The following ZNF512B variants were observed in gnomAD, a reference collection of about 807,000 sequenced individuals.
ZNF512B encodes the protein zinc finger protein 512B.
A neutral mutation model predicts 87.8 loss-of-function variants in ZNF512B; 22 were observed. The observed-to-expected ratio is 0.25, with a 90% CI of 0.18 to 0.36. The LOEUF is 0.36. ZNF512B is among the 10% of genes least tolerant of loss of function. The probability of loss-of-function intolerance (pLI) is 1.00; values close to 1 mark genes in which losing one functional copy is unlikely to be tolerated. For missense variants in ZNF512B, 1,060 were observed against 1,231.6 expected, an observed-to-expected ratio of 0.86 and a Z score of 2.09; for synonymous variants, 524 against 490.9, an observed-to-expected ratio of 1.07 and a Z score of -0.89.
rs2058847345 is a variant in ZNF512B at position 63,961,250 on chromosome 20, C to A, written c.2427+59G>T. Reference sequence around the variant, plus strand: ...TCTACCCCCAAGGGGTGCCCAACCCCAGCCCTGTCCCCTCCTGGGCTAGCC... The same window carrying A: ...TCTACCCCCAAGGGGTGCCCAACCCAAGCCCTGTCCCCTCCTGGGCTAGCC... On this transcript the variant is annotated intron_variant, in intron 16 of 16. Coordinates refer to ENST00000369888, the MANE Select transcript of ZNF512B (RefSeq NM_020713.3). This position sits in a 1 kb window ranked among gnomAD's most constrained non-coding sequence, Gnocchi z 6.4. 1 of 1,563,886 alleles carries A rather than the reference C, an allele frequency of 6.4e-7. No homozygotes were observed. Among genetic ancestry groups the A allele is most frequent in the Non-Finnish European group, 8.7e-7 (1 of 1,142,892 alleles).
rs1453722044 is a variant in ZNF512B, at chr20:63,957,109, C to T, written c.*2779G>A. 6.6e-6 allele frequency: 1 copy of T among 152,494 alleles called. No individual in the cohort carries two copies. The highest frequency in any genetic ancestry group is 1.5e-5 in the Non-Finnish European group (1 of 68,044). The allele number at this position is 152,494 out of a possible 1,614,324, so 9.4% of individuals were successfully genotyped here. ...ACACGGGGACGGCCCCTCCCGGGGT[C>T]AGGCTCACTGGCTCCTTCCCTTCAG... is the stretch of plus-strand genomic sequence containing the variant. On this transcript the variant is annotated 3_prime_UTR_variant, in exon 17 of 17. Coordinates refer to ENST00000369888, the MANE Select transcript of ZNF512B (RefSeq NM_020713.3).
chr20:63,967,523 C>A lies in ZNF512B; in HGVS notation c.122G>T (p.Gly41Val). Residue 41 changes from glycine (G) to valine (V), a missense_variant and splice_region_variant, in exon 3 of 17, where the codon GGG becomes GTG. By Grantham distance (109) the Gly-to-Val change is moderately radical (BLOSUM62 -3). Coordinates refer to ENST00000369888, the MANE Select transcript of ZNF512B (RefSeq NM_020713.3). Reference protein sequence around the residue: ...LPMLHDPPKMGMPVVRGGQTV... With the variant: ...LPMLHDPPKMVMPVVRGGQTV... Reference sequence around the variant, plus strand: ...CTGTCCACCACGGACCACCGGCATCCCTGCAGCACACAACACAGCAAGGCT... The same window carrying A: ...CTGTCCACCACGGACCACCGGCATCACTGCAGCACACAACACAGCAAGGCT... 1 of 1,598,100 alleles carries A rather than the reference C, an allele frequency of 6.3e-7. No homozygotes were observed. Among genetic ancestry groups the A allele is most frequent in the Non-Finnish European group, 8.5e-7 (1 of 1,171,182 alleles).
Position 63,962,023 on chromosome 20 carries a change from T to C in ZNF512B, c.2266-19A>G, listed in dbSNP as rs1321917021. On this transcript the variant is annotated intron_variant, in intron 14 of 16. Coordinates refer to ENST00000369888, the MANE Select transcript of ZNF512B (RefSeq NM_020713.3). ...CACAGCACTGCAGGGAAGGGAGCCG[T>C]GGGCGAAGGCCTCTGGTGGGCACCC... 1.3e-6 allele frequency: 2 copies of C among 1,550,668 alleles called. No individual in the cohort carries two copies.
At chr20:63,960,251 C>G in intron 16 of ZNF512B, 112 bp from the exon 17 acceptor site, 1 of 1,471,638 alleles carries the variant, frequency 6.8e-7, no homozygotes, top group Non-Finnish European at 9.1e-7. Flanking sequence ...CAAGCACCTG[C>G]AGCAGGGCTG....
Position 63,961,477 on chromosome 20 carries a change from G to C in ZNF512B, c.2329-70C>G, listed in dbSNP as rs1337790299. The C allele has an allele frequency of 1.4e-6, 2 of 1,444,800 alleles. No homozygotes were observed. Among genetic ancestry groups the C allele is most frequent in the Non-Finnish European group, 1.9e-6 (2 of 1,038,418 alleles). The allele number at this position is 1,444,800 out of a possible 1,614,324, so 89.5% of individuals were successfully genotyped here. ...AGATCTGTCCTAAGCCCCTACTCAT[G>C]GCTAAAGGGTCAGAGTCAGCGGTGG... On this transcript the variant is annotated intron_variant, in intron 15 of 16. Transcript: ENST00000369888. The surrounding 1 kb of genome is among the most constrained non-coding windows in gnomAD (Gnocchi z 6.4).
rs2058749706 is a variant in ZNF512B at position 63,957,294 on chromosome 20, A to G, written c.*2594T>C. ...CAGGGCAGGGGGCGTGCGCTGAGCC[A>G]GAGGTAGATCTGCAGAAAGGGCCCC... On this transcript the variant is annotated 3_prime_UTR_variant, in exon 17 of 17. Coordinates refer to ENST00000369888, the MANE Select transcript of ZNF512B (RefSeq NM_020713.3). The G allele has an allele frequency of 6.6e-6, 1 of 152,544 alleles. No homozygotes were observed. The highest frequency in any genetic ancestry group is 6.5e-5 in the Admixed American group (1 of 15,288). 9.4% of individuals were successfully genotyped at this position (152,544 alleles called of 1,614,324 possible).
Position 63,962,841 on chromosome 20 carries a change from G to A in ZNF512B, c.1969-60C>T, listed in dbSNP as rs146654183. Reference sequence around the variant, plus strand: ...CCGCGGGAGCAAGAGTCAGGTCAGCGCGCGGCGAGGCCACCCTAAGGCCGG... The same window carrying A: ...CCGCGGGAGCAAGAGTCAGGTCAGCACGCGGCGAGGCCACCCTAAGGCCGG... On this transcript the variant is annotated intron_variant, in intron 12 of 16. Transcript: ENST00000369888. 4.6e-4 allele frequency: 681 copies of A among 1,471,068 alleles called. 1 individual carries two copies. The African/African-American group carries it at 6.9e-3, about 15-fold the overall frequency. 91.1% of individuals were successfully genotyped at this position (1,471,068 alleles called of 1,614,324 possible). A position where few individuals can be genotyped will look rare whatever the true frequency, so the allele number is the denominator to read the frequency against.
At position 63,962,487 on chromosome 20, in the gene ZNF512B, G is replaced by T. The variant is rs913796012; in HGVS notation, c.2163+100C>A. ...TCGCCGCAGATGGCGGGGGCAGCGG[G>T]TGGCCCAGGTCACAGCAGTGGCTGT... On this transcript the variant is annotated intron_variant, in intron 13 of 16. Coordinates refer to ENST00000369888, the MANE Select transcript of ZNF512B (RefSeq NM_020713.3). 66 of 1,550,662 alleles carry T rather than the reference G, an allele frequency of 4.3e-5. No homozygotes were observed. In the African/African-American group the frequency reaches 8.6e-4, roughly 20 times the overall value.
chr20:63,960,203 G>A (rs2146881820), intron 16 of ZNF512B, 64 bp from the exon 17 acceptor site: 7 of 1,591,354 alleles, frequency 4.4e-6, no homozygotes, highest in Non-Finnish European at 6.0e-6. Context: ...GCCAGGCATA[G>A]CCTGAGAGCT....
At chr20:63,960,210 A>C in intron 16 of ZNF512B, 71 bp from the exon 17 acceptor site, 1 of 1,583,324 alleles carries the variant, frequency 6.3e-7, no homozygotes, top group Non-Finnish European at 8.6e-7. Context: ...ATAGCCTGAG[A>C]GCTGAAGACC....
Position 63,966,719 on chromosome 20 carries a change from C to A in ZNF512B, c.456G>T (p.Lys152Asn). The change falls in exon 5 of 17, where the codon AAG becomes AAT. Residue 152 changes from lysine (K) to asparagine (N), a missense_variant. This residue lies in a region of ZNF512B where 32 missense variants were observed against 68.0 expected (regional missense o/e 0.47). Coordinates refer to ENST00000369888, the MANE Select transcript of ZNF512B (RefSeq NM_020713.3). ...CPFCEAAFTS[K>N]TQLEKHRIWN... The stretch of plus-strand genomic sequence containing the variant: ...AGATCCGGTGTTTCTCCAGCTGGGT[C>A]TTAGAGGTGAATGCGGCCTCGCAGA... 6.2e-7 allele frequency: 1 copy of A among 1,608,536 alleles called. No homozygotes were observed. The highest frequency in any genetic ancestry group is 8.5e-7 in the Non-Finnish European group (1 of 1,177,642).
chr20:63,968,470 TG>T (rs2058950051), intron 1 of ZNF512B, among the ~76,000 whole-genome samples: 1 of 152,172 alleles, frequency 6.6e-6, no homozygotes, highest in South Asian at 2.1e-4. Flanking sequence ...AGCTTCTCAC[TG>T]GGGCCCTCAT....
Position 63,957,260 on chromosome 20 carries a change from T to C in ZNF512B, c.*2628A>G, listed in dbSNP as rs2058747918. ...GGTGAGTCAGCCCTTCCGGGCCCTT[T>C]CCTGTTCTCAGGGCAGGGGGCGTGC... is the stretch of plus-strand genomic sequence containing the variant. On this transcript the variant is annotated 3_prime_UTR_variant, in exon 17 of 17. Coordinates refer to ENST00000369888, the MANE Select transcript of ZNF512B (RefSeq NM_020713.3). 1 of 152,608 alleles carries C rather than the reference T, an allele frequency of 6.6e-6. No individual in the cohort carries two copies. Among genetic ancestry groups the C allele is most frequent in the South Asian group, 2.1e-4 (1 of 4,832 alleles). 9.5% of individuals were successfully genotyped at this position (152,608 alleles called of 1,614,324 possible).
Position 63,960,137 on chromosome 20 carries a change from G to A in ZNF512B, c.2430C>T (p.Asn810=). 3 of 1,613,452 alleles carry A rather than the reference G, an allele frequency of 1.9e-6. No individual in the cohort carries two copies. Among genetic ancestry groups the A allele is most frequent in the Non-Finnish European group, 2.5e-6 (3 of 1,179,852 alleles). ...KYHILKTHAE[N]WFRTSADPPP... ...GTGGGTCTGCTGATGTTCGGAACCA[G>A]TTCTGGGGAGAGAAAAGCGCTGATG... Residue 810 remains asparagine (N), a splice_region_variant and synonymous_variant, in exon 17 of 17, where the codon AAC becomes AAT. Transcript: ENST00000369888.
At chr20:63,963,037 C>T (rs1015253545) in intron 12 of ZNF512B, 58 bp downstream of exon 12, 15 of 1,475,376 alleles carry the variant, frequency 1.0e-5, no homozygotes, top group South Asian at 9.3e-5. Flanking sequence ...CCAAGGCACA[C>T]GGAACACACA....
chr20:63,958,784 C>G lies in ZNF512B; in HGVS notation c.*1104G>C, dbSNP rs571234866. 1 of 152,364 alleles carries G rather than the reference C, an allele frequency of 6.6e-6. No individual in the cohort carries two copies. Among genetic ancestry groups the G allele is most frequent in the Non-Finnish European group, 1.5e-5 (1 of 68,150 alleles). The allele number at this position is 152,364 out of a possible 1,614,324, so 9.4% of individuals were successfully genotyped here. The stretch of plus-strand genomic sequence containing the variant: ...TGGCCAAGCCCCTCCCCTGGCTGGC[C>G]TTCAGTTCCCATATCAAATGACCAC... On this transcript the variant is annotated 3_prime_UTR_variant, in exon 17 of 17. Transcript: ENST00000369888.
chr20:63,960,974 GGGGGCTGGACACAGCCTTCGGGAC>G (rs2058844650), intron 16 of ZNF512B, among the ~76,000 whole-genome samples: 5 of 145,134 alleles, frequency 3.4e-5, no homozygotes, highest in Admixed American at 1.4e-4. Context: ...AGCACCTGCA[GGGGGCTGGACACAGCCTTCGGGAC>G]CAGGCAAGCA....
intron 1 of ZNF512B, among the ~76,000 whole-genome samples, chr20:63,968,271 C>T (rs562571479): frequency 3.3e-4 from 50 of 152,346 alleles, no homozygotes; most frequent in Non-Finnish European, 6.3e-4. Flanking sequence ...CCACAGTGTG[C>T]GTAGCCCCAC....
At position 63,959,541 on chromosome 20, in the gene ZNF512B, C is replaced by A. The variant is rs770051898; in HGVS notation, c.*347G>T. Reference sequence around the variant, plus strand: ...TAGCCAGGGAAGGGACCCGGCAGGGCCTGAGGAAGCGGAGCCGGGGGGCCA... The same window carrying A: ...TAGCCAGGGAAGGGACCCGGCAGGGACTGAGGAAGCGGAGCCGGGGGGCCA... On this transcript the variant is annotated 3_prime_UTR_variant, in exon 17 of 17. Coordinates refer to ENST00000369888, the MANE Select transcript of ZNF512B (RefSeq NM_020713.3). The A allele has an allele frequency of 2.3e-5, 7 of 302,050 alleles. No individual in the cohort carries two copies. The highest frequency in any genetic ancestry group is 4.3e-5 in the Non-Finnish European group (7 of 164,418). 18.7% of individuals were successfully genotyped at this position (302,050 alleles called of 1,614,324 possible).
Sources: gnomAD v4.1 joint callset for allele counts (sites outside exome capture counted in the v4.1 genomes callset) on GRCh38, gnomAD v4.1.1 for gene constraint, gnomAD v4.1.1 regional missense constraint, Gnocchi (gnomAD v3.1) non-coding constraint, MANE v1.5 for transcripts, NCBI Gene and HGNC (gene_info 2026-07-23, HGNC 2026-07-21) for gene names.